Variants in POR observed in about 807,000 individuals in gnomAD.
POR encodes cytochrome p450 oxidoreductase, also known as NADPH--cytochrome P450 reductase.
POR carries 56 observed loss-of-function variants against 84.0 expected under a neutral mutation model. The ratio of observed to expected loss-of-function variants is 0.67; its 90% CI spans 0.54 to 0.83. The LOEUF is 0.83. POR is among the 40% of genes least tolerant of loss of function. POR has a pLI of 0.00. For synonymous variants in POR, 414 were observed against 400.5 expected (o/e 1.03, Z -0.40); for missense variants, 938 against 944.3 (o/e 0.99, Z 0.09).
Position 75,951,193 on chromosome 7 carries a change from G to A in POR, c.-4-2796G>A, listed in dbSNP as rs539068958. Among the ~76,000 whole-genome samples, 133 of 151,888 alleles carry A rather than the reference G, an allele frequency of 8.8e-4. 1 individual carries two copies. The highest frequency in any genetic ancestry group is 3.1e-3 in the African/African-American group (129 of 41,434). ...GCAGATCACCTGAGGTCAGGAGTTC[G>A]AGACCAGCCTGGCTGACATGGTGAA... is the stretch of plus-strand genomic sequence containing the variant. On this transcript the variant is annotated intron_variant, in intron 1 of 15. Coordinates refer to ENST00000461988, the MANE Select transcript of POR (RefSeq NM_000941.3).
rs371257837 is a variant in POR, at chr7:75,926,027, TCTC to T, written c.-5+10849_-5+10851del. Among the ~76,000 whole-genome samples the T allele has an allele frequency of 3.7e-3, 486 of 132,030 alleles. 3 individuals carry two copies. Among genetic ancestry groups the T allele is most frequent in the African/African-American group, 0.017 (457 of 27,654 alleles). The allele number at this position is 132,030 out of a possible 152,430, so 86.6% of individuals were successfully genotyped here. The stretch of plus-strand genomic sequence containing the variant: ...TGCTTTTTTTTCTTTCTCTTTTCTC[TCTC>T]TTTTTTTTTTTTTTTTTTTTTAAGG... On this transcript the variant is annotated intron_variant, in intron 1 of 15. Coordinates refer to ENST00000461988, the MANE Select transcript of POR (RefSeq NM_000941.3).
chr7:75,978,997 A>G (rs1788843964), intron 3 of POR, among the ~76,000 whole-genome samples: 1 of 151,450 alleles, frequency 6.6e-6, no homozygotes, highest in African/African-American at 2.4e-5. Flanking sequence ...GAGTTTCACC[A>G]TGTTGGTCAG....
chr7:75,967,680 G>A (rs1788247190), intron 2 of POR, among the ~76,000 whole-genome samples: 1 of 151,936 alleles, frequency 6.6e-6, no homozygotes, highest in Admixed American at 6.6e-5. Flanking sequence ...AGGGCGTGGG[G>A]AGAAGGGCTC....
intron 2 of POR, among the ~76,000 whole-genome samples, chr7:75,970,050 G>A (rs1160309644): frequency 1.3e-5 from 2 of 152,170 alleles, no homozygotes; most frequent in Non-Finnish European, 2.9e-5. Flanking sequence ...TCACAGGAAG[G>A]GCCTTGTAGG....
chr7:75,932,949 T>C (rs7782818), intron 1 of POR, among the ~76,000 whole-genome samples: 11,958 of 149,286 alleles, frequency 0.08, 1,429 homozygotes, highest in African/African-American at 0.26. Flanking sequence ...ACTCGGGAGG[T>C]GGAGGTTGCA....
At chr7:75,938,887 A>G (rs914574673) in intron 1 of POR, among the ~76,000 whole-genome samples, 5 of 152,118 alleles carry the variant, frequency 3.3e-5, no homozygotes, top group South Asian at 2.1e-4. Context: ...CGCTTCCTCT[A>G]TCGGTAGCTT....
At chr7:75,916,475 C>T (rs1195631814) in intron 1 of POR, among the ~76,000 whole-genome samples, 1 of 144,778 alleles carries the variant, frequency 6.9e-6, no homozygotes, top group East Asian at 1.9e-4. Flanking sequence ...GAAAGGTCCA[C>T]TTCCTTTTTT....
chr7:75,938,138 C>CT (rs1807787712), intron 1 of POR, among the ~76,000 whole-genome samples: 1 of 152,104 alleles, frequency 6.6e-6, no homozygotes, highest in Admixed American at 6.5e-5. Context: ...CAGCAGCTGC[C>CT]TTCCTCCTTT....
Position 75,983,793 on chromosome 7 carries a change from A to T in POR, c.1003A>T (p.Asn335Tyr). The T allele has an allele frequency of 1.9e-6, 3 of 1,612,400 alleles. No individual in the cohort carries two copies. The highest frequency in any genetic ancestry group is 2.5e-6 in the Non-Finnish European group (3 of 1,179,708). ...CCCAGCCAACGACTCTGCTCTCGTC[A>T]ACCAGCTGGGCAAAATCCTGGGTGC... The change falls in exon 10 of 16, where the codon AAC (asparagine) becomes TAC (tyrosine). Residue 335 changes from asparagine (N) to tyrosine (Y), a missense_variant. Physicochemically the swap from Asn to Tyr is moderately radical, Grantham distance 143. Transcript: ENST00000461988.
Position 75,983,526 on chromosome 7 carries a change from T to G in POR, c.837T>G (p.Phe279Leu). The change falls in exon 9 of 16, where the codon TTT (phenylalanine) becomes TTG (leucine). Residue 279 changes from phenylalanine (F) to leucine (L), a missense_variant. By Grantham distance (22) the Phe-to-Leu change is conservative. Transcript: ENST00000461988. Reference sequence around the variant, plus strand: ...TTCTCTCCTCCCCACCCAGCCCCTTTGATGCCAAGAATCCGTTCCTGGCTG... The same window carrying G: ...TTCTCTCCTCCCCACCCAGCCCCTTGGATGCCAAGAATCCGTTCCTGGCTG... The G allele has an allele frequency of 1.9e-6, 3 of 1,612,654 alleles. No homozygotes were observed. Among genetic ancestry groups the G allele is most frequent in the Non-Finnish European group, 1.7e-6 (2 of 1,179,628 alleles).
chr7:75,986,330 T>G lies in POR; in HGVS notation c.1899-7T>G. ...CCCAGCCCCCAGCACCCCCTCTTCC[T>G]GCCCAGGGATGCACGGAACATGGCC... On this transcript the variant is annotated splice_polypyrimidine_tract_variant and splice_region_variant and intron_variant, in intron 15 of 15. Coordinates refer to ENST00000461988, the MANE Select transcript of POR (RefSeq NM_000941.3). The G allele has an allele frequency of 6.2e-7, 1 of 1,612,646 alleles. No individual in the cohort carries two copies. Among genetic ancestry groups the G allele is most frequent in the South Asian group, 1.1e-5 (1 of 91,088 alleles).
At chr7:75,940,612 A>C (rs1366273159) in intron 1 of POR, among the ~76,000 whole-genome samples, 1 of 151,426 alleles carries the variant, frequency 6.6e-6, no homozygotes, top group African/African-American at 2.4e-5. Flanking sequence ...GTGAAACCCC[A>C]TCTCTACTAA....
chr7:75,954,051 C>T lies in POR; in HGVS notation c.59C>T (p.Ala20Val). Reference sequence around the variant, plus strand: ...AGCTCCACCGTGTCCGAGGCGGTGGCCGAAGAAGTATCTCTTTTCAGCATG... The same window carrying T: ...AGCTCCACCGTGTCCGAGGCGGTGGTCGAAGAAGTATCTCTTTTCAGCATG... Residue 20 changes from alanine (A) to valine (V), a missense_variant, in exon 2 of 16, where the codon GCC (alanine) becomes GTC (valine). By Grantham distance (64) the Ala-to-Val change is moderately conservative. Transcript: ENST00000461988. The T allele has an allele frequency of 6.2e-7, 1 of 1,610,998 alleles. No individual in the cohort carries two copies. Among genetic ancestry groups the T allele is most frequent in the Non-Finnish European group, 8.5e-7 (1 of 1,178,588 alleles).
intron 1 of POR, among the ~76,000 whole-genome samples, chr7:75,918,392 G>C (rs1431235826): frequency 6.6e-6 from 1 of 152,166 alleles, no homozygotes; most frequent in Non-Finnish European, 1.5e-5. Flanking sequence ...CCGCCGGGCA[G>C]GTGGGAGAAG....
intron 2 of POR, among the ~76,000 whole-genome samples, chr7:75,961,198 A>T (rs1219614389): frequency 6.6e-6 from 1 of 151,442 alleles, no homozygotes; most frequent in Non-Finnish European, 1.5e-5. Context: ...ACGCTACTGC[A>T]TTCCAGCCTG....
rs749668637 is a variant in POR, at chr7:75,972,405, T to C, written c.189-8T>C. 1.9e-5 allele frequency: 31 copies of C among 1,609,320 alleles called. No individual in the cohort carries two copies. Among genetic ancestry groups the C allele is most frequent in the Non-Finnish European group, 2.5e-5 (30 of 1,177,942 alleles). On this transcript the variant is annotated splice_region_variant and splice_polypyrimidine_tract_variant and intron_variant, in intron 2 of 15. Coordinates refer to ENST00000461988, the MANE Select transcript of POR (RefSeq NM_000941.3). Reference sequence around the variant, plus strand: ...CTCCCACGCTCATTGCACACTTTTGTCTTGCAGGACCTCCTCTGTCAGAGA... The same window carrying C: ...CTCCCACGCTCATTGCACACTTTTGCCTTGCAGGACCTCCTCTGTCAGAGA...
intron 1 of POR, among the ~76,000 whole-genome samples, chr7:75,936,988 G>A (rs1554550918): frequency 2.0e-5 from 3 of 151,084 alleles, no homozygotes; most frequent in African/African-American, 4.9e-5. Context: ...CACCACACCC[G>A]GCTAATTTTT....
At chr7:75,919,523 T>G (rs944199328) in intron 1 of POR, among the ~76,000 whole-genome samples, 10 of 152,090 alleles carry the variant, frequency 6.6e-5, no homozygotes, top group Non-Finnish European at 1.3e-4. Flanking sequence ...TCAGTTTGTT[T>G]CTTTCTTTCC....
chr7:75,979,613 G>A, intron 4 of POR, 34 bp downstream of exon 4: 2 of 1,610,204 alleles, frequency 1.2e-6, no homozygotes. Context: ...CCCAGATGGA[G>A]GCAGTGGGTA....
Sources: gnomAD v4.1 joint callset for allele counts (sites outside exome capture counted in the v4.1 genomes callset) on GRCh38, gnomAD v4.1.1 for gene constraint, MANE v1.5 for transcripts, NCBI Gene and HGNC (gene_info 2026-07-23, HGNC 2026-07-21) for gene names.